NPSR1: variants seen among roughly 807,000 people sequenced by gnomAD.
NPSR1 encodes neuropeptide S receptor.
A neutral mutation model predicts 46.9 loss-of-function variants in NPSR1; 48 were observed. The observed-to-expected ratio is 1.02, with a 90% CI of 0.81 to 1.30. The LOEUF is 1.30. Among genes scored for constraint, NPSR1 ranks in the 50% most tolerant of loss-of-function variants. The pLI, the probability that NPSR1 is intolerant of heterozygous loss-of-function variation, is 0.00. For missense variants in NPSR1, 450 were observed against 449.5 expected, an observed-to-expected ratio of 1.00 and a Z score of -0.01; for synonymous variants, 176 against 168.1, an observed-to-expected ratio of 1.05 and a Z score of -0.36.
chr7:34,805,725 C>T (rs1442048148), intron 3 of NPSR1, among the ~76,000 whole-genome samples: 1 of 151,750 alleles, frequency 6.6e-6, no homozygotes, highest in Non-Finnish European at 1.5e-5. Context: ...TTGCAAAGGA[C>T]ACTGTTTAAG....
rs1350044803 is a variant in NPSR1, at chr7:34,660,160, C to T, written c.147+1601C>T. ...CAGACACTAAAGAGAATCACAGCAT[C>T]TCTAGCTGATTCCTATTGATATGTT... On this transcript the variant is annotated intron_variant, in intron 1 of 8. Coordinates refer to ENST00000360581, the MANE Select transcript of NPSR1 (RefSeq NM_207172.2). 6.6e-6 allele frequency: 3 copies of T among 456,760 alleles called. No homozygotes were observed. The East Asian group carries it at 2.1e-4, about 32-fold the overall frequency. The allele number at this position is 456,760 out of a possible 1,614,324, so 28.3% of individuals were successfully genotyped here.
At chr7:34,809,357 T>C (rs1332994324) in intron 3 of NPSR1, among the ~76,000 whole-genome samples, 1 of 152,086 alleles carries the variant, frequency 6.6e-6, no homozygotes, top group Non-Finnish European at 1.5e-5. Flanking sequence ...TTAAACCTTT[T>C]TTCTAACTTT....
intron 2 of NPSR1, among the ~76,000 whole-genome samples, chr7:34,695,288 A>T (rs1257687354): frequency 1.3e-5 from 2 of 152,094 alleles, no homozygotes; most frequent in Admixed American, 6.6e-5. Flanking sequence ...AACCCTACCT[A>T]TGACAATATA....
chr7:34,749,818 T>C (rs1785417693), intron 2 of NPSR1, among the ~76,000 whole-genome samples: 3 of 152,222 alleles, frequency 2.0e-5, no homozygotes, highest in African/African-American at 4.8e-5. Flanking sequence ...GGGGATCTGT[T>C]GAATGTTTTA....
At chr7:34,853,230 T>C (rs978963519), downstream of NPSR1, among the ~76,000 whole-genome samples, 2 of 152,176 alleles carry the variant, frequency 1.3e-5, no homozygotes, top group Admixed American at 1.3e-4. Flanking sequence ...AGCCTGAGTC[T>C]GAGAGAAAAA....
At chr7:34,789,204 A>G (rs949153322) in intron 3 of NPSR1, among the ~76,000 whole-genome samples, 2 of 152,032 alleles carry the variant, frequency 1.3e-5, no homozygotes, top group African/African-American at 4.8e-5. Flanking sequence ...AAAAGATTTA[A>G]AATAAATAAC....
At chr7:34,850,988 G>A (rs1432937247), downstream of NPSR1, among the ~76,000 whole-genome samples, 1 of 152,144 alleles carries the variant, frequency 6.6e-6, no homozygotes, top group East Asian at 1.9e-4. Flanking sequence ...AGTGAAATAT[G>A]ACTAAATGTT....
chr7:34,701,751 G>T (rs1047267009), intron 2 of NPSR1, among the ~76,000 whole-genome samples: 1 of 152,128 alleles, frequency 6.6e-6, no homozygotes, highest in Non-Finnish European at 1.5e-5. Flanking sequence ...TTCTGAGGGA[G>T]AATAATAAGA....
intron 2 of NPSR1, among the ~76,000 whole-genome samples, chr7:34,741,160 G>A (rs1465502971): frequency 1.3e-5 from 2 of 152,054 alleles, no homozygotes; most frequent in African/African-American, 4.8e-5. Flanking sequence ...TGGTGTCTTG[G>A]TATGGATATC....
intron 1 of NPSR1, among the ~76,000 whole-genome samples, chr7:34,675,526 T>C (rs1236691908): frequency 6.6e-6 from 1 of 152,242 alleles, no homozygotes; most frequent in Non-Finnish European, 1.5e-5. Flanking sequence ...TTTGCACTTG[T>C]CATCAACCAA....
intron 3 of NPSR1, among the ~76,000 whole-genome samples, chr7:34,785,209 G>T (rs1324673006): frequency 6.6e-6 from 1 of 151,824 alleles, no homozygotes; most frequent in African/African-American, 2.4e-5. Context: ...CCATAAAAAA[G>T]GATGAGTTCA....
chr7:34,751,800 G>C (rs1407823047), intron 2 of NPSR1: 8 of 1,585,184 alleles, frequency 5.0e-6, no homozygotes, highest in Non-Finnish European at 6.9e-6. Context: ...TCTGGGCACA[G>C]ATCACTGTGG....
chr7:34,793,799 G>A (rs1269071760), intron 3 of NPSR1, among the ~76,000 whole-genome samples: 5 of 152,044 alleles, frequency 3.3e-5, no homozygotes, highest in Non-Finnish European at 5.9e-5. Context: ...ATTCATAATA[G>A]CCAAGATATG....
intron 2 of NPSR1, among the ~76,000 whole-genome samples, chr7:34,699,321 A>G (rs1793700249): frequency 6.6e-6 from 1 of 152,232 alleles, no homozygotes; most frequent in South Asian, 2.1e-4. Flanking sequence ...CTCTACTAAA[A>G]AATTTTTTAA....
Position 34,774,460 on chromosome 7 carries a change from A to G in NPSR1, c.281-4002A>G, listed in dbSNP as rs1394487467. Among the ~76,000 whole-genome samples the G allele has an allele frequency of 3.3e-5, 5 of 152,324 alleles. No homozygotes were observed. In the East Asian group the frequency reaches 9.6e-4, roughly 29 times the overall value. ...AAGGCTGTGGGACACGTCTGAGTGT[A>G]TGACTTAGTGCATTGGCAATAATCT... On this transcript the variant is annotated intron_variant, in intron 2 of 8. Coordinates refer to ENST00000360581, the MANE Select transcript of NPSR1 (RefSeq NM_207172.2).
chr7:34,720,765 G>A (rs1442798095), intron 2 of NPSR1, among the ~76,000 whole-genome samples: 1 of 152,096 alleles, frequency 6.6e-6, no homozygotes, highest in Non-Finnish European at 1.5e-5. Flanking sequence ...ATGCATGTCA[G>A]GAAAAAGTCT....
At chr7:34,743,316 A>T (rs1383086963) in intron 2 of NPSR1, among the ~76,000 whole-genome samples, 1 of 151,912 alleles carries the variant, frequency 6.6e-6, no homozygotes, top group East Asian at 1.9e-4. Context: ...TCTTGAGTTT[A>T]TTTTTGTATG....
chr7:34,749,038 G>A (rs1443506348), intron 2 of NPSR1, among the ~76,000 whole-genome samples: 3 of 152,176 alleles, frequency 2.0e-5, no homozygotes, highest in Non-Finnish European at 4.4e-5. Context: ...AAAGTCTAAT[G>A]CTTCTCCCAG....
chr7:34,687,856 G>A (rs934626354), intron 2 of NPSR1, among the ~76,000 whole-genome samples: 3 of 152,130 alleles, frequency 2.0e-5, no homozygotes, highest in Non-Finnish European at 4.4e-5. Context: ...GACTTGAGGG[G>A]CCAAGATTTC....
Sources: allele counts gnomAD v4.1 joint callset (sites outside exome capture counted in the v4.1 genomes callset), GRCh38; gene constraint gnomAD v4.1.1; transcripts MANE v1.5; gene names NCBI Gene and HGNC (gene_info 2026-07-23, HGNC 2026-07-21).